The following PPP2R2C variants were observed in gnomAD, a reference collection of about 807,000 sequenced individuals.
PPP2R2C encodes protein phosphatase 2, regulatory subunit B, gamma.
A neutral mutation model predicts 45.3 loss-of-function variants in PPP2R2C; 10 were observed. The ratio of observed to expected loss-of-function variants is 0.22; its 90% CI spans 0.14 to 0.37. The LOEUF is 0.37. Among genes scored for constraint, PPP2R2C ranks in the 10% least tolerant of loss-of-function variants. The pLI, the probability that PPP2R2C is intolerant of heterozygous loss-of-function variation, is 1.00. For synonymous variants in PPP2R2C, 257 were observed against 245.4 expected (o/e 1.05, Z -0.44); for missense variants, 308 against 619.7 (o/e 0.50, Z 5.34).
intron 5 of PPP2R2C, among the ~76,000 whole-genome samples, chr4:6,355,551 CAAA>C (rs566926127): frequency 6.3e-5 from 5 of 78,958 alleles, no homozygotes; most frequent in Admixed American, 1.4e-4. Context: ...ACAGAAAGCA[CAAA>C]AAAAAAAAAA....
At chr4:6,401,735 C>T (rs1717421578) in intron 1 of PPP2R2C, among the ~76,000 whole-genome samples, 1 of 152,184 alleles carries the variant, frequency 6.6e-6, no homozygotes, top group Admixed American at 6.5e-5. Flanking sequence ...AGCTCAGGAG[C>T]ACCCTGACAA....
chr4:6,362,217 G>A (rs1335169589), intron 5 of PPP2R2C, among the ~76,000 whole-genome samples: 7 of 152,158 alleles, frequency 4.6e-5, no homozygotes, highest in African/African-American at 1.7e-4. Flanking sequence ...AAGAGGGAGG[G>A]AGAGGCTCCA....
chr4:6,555,433 T>C (rs1007982697), intron 1 of PPP2R2C: 1 of 152,288 alleles, frequency 6.6e-6, no homozygotes, highest in African/African-American at 2.4e-5. Context: ...GGGCTCCTCC[T>C]AACTCCATCC....
intron 2 of PPP2R2C, among the ~76,000 whole-genome samples, chr4:6,513,144 TTCAC>T (rs1723722983): frequency 6.6e-6 from 1 of 152,294 alleles, no homozygotes; most frequent in African/African-American, 2.4e-5. Context: ...AATTTATACA[TTCAC>T]TCACTCACTC....
intron 2 of PPP2R2C, among the ~76,000 whole-genome samples, chr4:6,499,682 T>C (rs1274057447): frequency 6.6e-6 from 1 of 151,876 alleles, no homozygotes; most frequent in African/African-American, 2.4e-5. Context: ...TGCGGAGTGG[T>C]CATTTCTGTA....
At chr4:6,352,071 T>C (rs12642135) in intron 5 of PPP2R2C, among the ~76,000 whole-genome samples, 139,999 of 152,158 alleles carry the variant, frequency 0.92, 65,274 homozygotes, top group East Asian at 1. Context: ...CAAACTCAGC[T>C]ACCGTGAACA....
intron 2 of PPP2R2C, among the ~76,000 whole-genome samples, chr4:6,479,031 A>G (rs1205650660): frequency 6.6e-6 from 1 of 152,214 alleles, no homozygotes; most frequent in African/African-American, 2.4e-5. Context: ...CGGAGCGTGC[A>G]AGTACAGTCT....
chr4:6,322,970 G>T lies in PPP2R2C; in HGVS notation c.*332C>A. ...ACGCATAAAAAGTCCTATTGATGTGGTAAAGACCGCAGACCGAGACAGGAA... is the reference window on the plus strand; with the variant it reads ...ACGCATAAAAAGTCCTATTGATGTGTTAAAGACCGCAGACCGAGACAGGAA... On this transcript the variant is annotated 3_prime_UTR_variant, in exon 9 of 9. Coordinates refer to ENST00000382599, the MANE Select transcript of PPP2R2C (RefSeq NM_020416.4). This position sits in a 1 kb window ranked among gnomAD's most constrained non-coding sequence, Gnocchi z 7.8. 4.5e-6 allele frequency: 1 copy of T among 220,242 alleles called. No homozygotes were observed. Among genetic ancestry groups the T allele is most frequent in the Non-Finnish European group, 8.9e-6 (1 of 112,258 alleles). 13.6% of individuals were successfully genotyped at this position (220,242 alleles called of 1,614,324 possible).
intron 5 of PPP2R2C, among the ~76,000 whole-genome samples, chr4:6,360,447 C>T (rs757149046): frequency 3.3e-5 from 5 of 152,106 alleles, no homozygotes; most frequent in Admixed American, 6.5e-5. Context: ...CCGATTTCAC[C>T]GAGCACAGTG....
intron 1 of PPP2R2C, chr4:6,555,606 T>C (rs1272484135): frequency 6.6e-6 from 1 of 152,200 alleles, no homozygotes; most frequent in African/African-American, 2.4e-5. Context: ...TGCTTCTGGG[T>C]GATGAGAGTG....
In PPP2R2C at chr4:6,378,315, A is replaced by C; in HGVS notation, c.334+92T>G. 6.3e-7 allele frequency: 1 copy of C among 1,582,104 alleles called. No individual in the cohort carries two copies. Among genetic ancestry groups the C allele is most frequent in the Non-Finnish European group, 8.6e-7 (1 of 1,167,176 alleles). On this transcript the variant is annotated intron_variant, in intron 3 of 8. Coordinates refer to ENST00000382599, the MANE Select transcript of PPP2R2C (RefSeq NM_020416.4). The surrounding 1 kb of genome is among the most constrained non-coding windows in gnomAD (Gnocchi z 5.2). ...TTCTAGGCGTTCTGAAGACATAGAAAAATGCTCACAATATAAGTGAAATAC... is the reference window on the plus strand; with the variant it reads ...TTCTAGGCGTTCTGAAGACATAGAACAATGCTCACAATATAAGTGAAATAC...
chr4:6,419,781 C>T (rs954702501), intron 1 of PPP2R2C, among the ~76,000 whole-genome samples: 4 of 152,248 alleles, frequency 2.6e-5, no homozygotes, highest in African/African-American at 7.2e-5. Context: ...AGGGAGGAGC[C>T]GCTCCCTGAC....
At chr4:6,475,856 G>A (rs1196154662), upstream of PPP2R2C, among the ~76,000 whole-genome samples, 1 of 152,244 alleles carries the variant, frequency 6.6e-6, no homozygotes. Flanking sequence ...AACCCCCAAT[G>A]TGATGATGTT....
In PPP2R2C at chr4:6,347,789, T is replaced by TGC; in HGVS notation, c.790+56_790+57insGC. On this transcript the variant is annotated intron_variant, in intron 6 of 8. Coordinates refer to ENST00000382599, the MANE Select transcript of PPP2R2C (RefSeq NM_020416.4). ...GCAGCAGCTGCACCAGGACAGGACA[T>TGC]CCCACCCGCCCGCCTGCCCAATGCA... 380 of 1,033,532 alleles carry TGC rather than the reference T, an allele frequency of 3.7e-4. 2 individuals are homozygous for TGC. The highest frequency in any genetic ancestry group is 4.9e-4 in the Non-Finnish European group (352 of 721,084). 64.0% of individuals were successfully genotyped at this position (1,033,532 alleles called of 1,614,324 possible).
intron 1 of PPP2R2C, among the ~76,000 whole-genome samples, chr4:6,462,221 A>G (rs1341982055): frequency 6.6e-6 from 1 of 152,238 alleles, no homozygotes; most frequent in Non-Finnish European, 1.5e-5. Context: ...TGGGAGTGAC[A>G]CTGTAATCTC....
chr4:6,383,396 G>A (rs750451733), intron 1 of PPP2R2C: 1 of 1,289,742 alleles, frequency 7.8e-7, no homozygotes. Flanking sequence ...TCAGCAAAAG[G>A]TACCTCCTCC....
chr4:6,337,655 G>T (rs6848000), intron 6 of PPP2R2C, among the ~76,000 whole-genome samples: 73,686 of 151,974 alleles, frequency 0.48, 19,655 homozygotes, highest in Middle Eastern at 0.63. Flanking sequence ...AATCACAGGG[G>T]GCACCGGTGC....
chr4:6,364,885 A>G lies in PPP2R2C; in HGVS notation c.625+7638T>C, dbSNP rs1714143380. Among the ~76,000 whole-genome samples the G allele has an allele frequency of 6.6e-6, 1 of 152,156 alleles. No homozygotes were observed. Among genetic ancestry groups the G allele is most frequent in the South Asian group, 2.1e-4 (1 of 4,822 alleles). ...GCTCTGGGTGCATTTGGACGATGGG[A>G]TCACAGGACTCATCGAGGCTTGAGC... On this transcript the variant is annotated intron_variant, in intron 5 of 8. Transcript: ENST00000382599. This position sits in a 1 kb window ranked among gnomAD's most constrained non-coding sequence, Gnocchi z 5.3.
At chr4:6,561,118 T>G (rs1213854063) in intron 1 of PPP2R2C, among the ~76,000 whole-genome samples, 2 of 152,242 alleles carry the variant, frequency 1.3e-5, no homozygotes. Flanking sequence ...AGGTACCAAC[T>G]GTCTCAACCC....
Sources: gnomAD v4.1 joint callset for allele counts (sites outside exome capture counted in the v4.1 genomes callset) on GRCh38, gnomAD v4.1.1 for gene constraint, Gnocchi (gnomAD v3.1) non-coding constraint, MANE v1.5 for transcripts, NCBI Gene and HGNC (gene_info 2026-07-23, HGNC 2026-07-21) for gene names.